ADAMTSL1: variants seen among roughly 807,000 people sequenced by gnomAD.
The protein encoded by ADAMTSL1 is ADAMTS like 1.
ADAMTSL1 carries 126 observed loss-of-function variants against 201.8 expected under a neutral mutation model. The observed-to-expected ratio is 0.62, with a 90% CI of 0.54 to 0.72. ADAMTSL1 has a LOEUF of 0.72. ADAMTSL1 is among the 30% of genes least tolerant of loss of function. ADAMTSL1 has a pLI of 0.00. For synonymous variants in ADAMTSL1, 1,121 were observed against 903.4 expected (o/e 1.24, Z -4.32); for missense variants, 2,679 against 2,277.8 (o/e 1.18, Z -3.59).
At chr9:18,229,912 G>C (rs1444255801) in intron 2 of ADAMTSL1, among the ~76,000 whole-genome samples, 1 of 152,032 alleles carries the variant, frequency 6.6e-6, no homozygotes, top group African/African-American at 2.4e-5. Context: ...GGCCAGACTT[G>C]TCTCAAACTC....
rs189367848 is a variant in ADAMTSL1, at chr9:18,542,096, G to A, written c.237+8804G>A. Among the ~76,000 whole-genome samples the A allele has an allele frequency of 6.5e-3, 989 of 152,180 alleles. 14 individuals are homozygous for A. The highest frequency in any genetic ancestry group is 0.012 in the Admixed American group (176 of 15,284). On this transcript the variant is annotated intron_variant, in intron 3 of 28. Transcript: ENST00000380548. ...AGGGAGGGACTGAATAAGTTAGGGG[G>A]ACTTTCATTTTTTATTCTATATGCT...
intron 4 of ADAMTSL1, among the ~76,000 whole-genome samples, chr9:18,599,996 C>CAAAAAAAAAAAAAAAAAAA (rs57914274): frequency 1.2e-5 from 1 of 86,952 alleles, no homozygotes; most frequent in Non-Finnish European, 2.1e-5. Context: ...ACTAAAAATA[C>CAAAAAAAAAAAAAAAAAAA]AAAAAAAAAA....
chr9:18,320,955 C>T lies in ADAMTSL1; in HGVS notation c.207+156974C>T, dbSNP rs146220125. Among the ~76,000 whole-genome samples, 801 of 151,834 alleles carry T rather than the reference C, an allele frequency of 5.3e-3. 8 individuals carry two copies. Among genetic ancestry groups the T allele is most frequent in the African/African-American group, 0.019 (773 of 41,438 alleles). On this transcript the variant is annotated intron_variant, in intron 2 of 29. Coordinates refer to the ADAMTSL1 transcript ENST00000680146. ...AAGATGAGAAATAGAAAACAAATAACAAAATAATAGATATAAATATAACTG... is the reference window on the plus strand; with the variant it reads ...AAGATGAGAAATAGAAAACAAATAATAAAATAATAGATATAAATATAACTG...
chr9:18,345,350 A>C (rs1312384110), intron 2 of ADAMTSL1, among the ~76,000 whole-genome samples: 2 of 152,206 alleles, frequency 1.3e-5, no homozygotes, highest in African/African-American at 4.8e-5. Flanking sequence ...CTGTTCTTAG[A>C]GTTGTTTCTA....
intron 11 of ADAMTSL1, 114 bp from the exon 12 acceptor site, chr9:18,681,698 G>T (rs529302191): frequency 5.0e-5 from 16 of 323,008 alleles, no homozygotes; most frequent in Admixed American, 1.3e-4. Flanking sequence ...GTCCTCGTGT[G>T]GGGGGGGGGG....
chr9:18,116,768 A>G (rs1021146703), intron 1 of ADAMTSL1, among the ~76,000 whole-genome samples: 7 of 152,202 alleles, frequency 4.6e-5, no homozygotes, highest in East Asian at 3.9e-4. Context: ...CACAACGTGC[A>G]GGTTTGTTAC....
chr9:18,261,813 G>C (rs1831936047), intron 2 of ADAMTSL1, among the ~76,000 whole-genome samples: 1 of 152,122 alleles, frequency 6.6e-6, no homozygotes, highest in African/African-American at 2.4e-5. Context: ...TTTTCTGGAA[G>C]CACCCTAAAT....
intron 1 of ADAMTSL1, among the ~76,000 whole-genome samples, chr9:17,986,038 T>A (rs1364341034): frequency 6.6e-6 from 1 of 152,086 alleles, no homozygotes; most frequent in Non-Finnish European, 1.5e-5. Flanking sequence ...ATATGTGAAG[T>A]AAAGTTCCAA....
At chr9:18,144,717 T>G (rs1381285378) in intron 1 of ADAMTSL1, among the ~76,000 whole-genome samples, 1 of 152,116 alleles carries the variant, frequency 6.6e-6, no homozygotes, top group East Asian at 1.9e-4. Context: ...AAACTTTATG[T>G]TAAATGAGAT....
intron 2 of ADAMTSL1, among the ~76,000 whole-genome samples, chr9:18,428,450 A>T (rs1819330860): frequency 6.7e-6 from 1 of 149,004 alleles, no homozygotes; most frequent in Non-Finnish European, 1.5e-5. Flanking sequence ...AAAAAAAAAA[A>T]GAAAAGAAAA....
intron 2 of ADAMTSL1, among the ~76,000 whole-genome samples, chr9:18,409,984 T>C (rs1207017414): frequency 6.6e-6 from 1 of 151,696 alleles, no homozygotes; most frequent in African/African-American, 2.4e-5. Context: ...ATTACAAGTA[T>C]CTTTGCTTTC....
intron 2 of ADAMTSL1, among the ~76,000 whole-genome samples, chr9:18,382,364 T>C (rs987471568): frequency 1.3e-5 from 2 of 152,214 alleles, no homozygotes; most frequent in African/African-American, 4.8e-5. Flanking sequence ...ACATGTGACC[T>C]TCTCATTTAG....
intron 2 of ADAMTSL1, among the ~76,000 whole-genome samples, chr9:18,514,327 C>CTTCTTTTT (rs1267242829): frequency 2.0e-5 from 2 of 100,104 alleles, no homozygotes; most frequent in South Asian, 3.4e-4. Context: ...ATTTTTCTTT[C>CTTCTTTTT]TTTTTTTTTT....
At chr9:18,020,038 T>C (rs563614883) in intron 1 of ADAMTSL1, among the ~76,000 whole-genome samples, 46 of 152,186 alleles carry the variant, frequency 3.0e-4, no homozygotes, top group Admixed American at 4.6e-4. Context: ...TTCAACACTA[T>C]TATTTTTGGT....
rs191556384 is a variant in ADAMTSL1, at chr9:18,409,399, A to G, written c.208-95430A>G. Among the ~76,000 whole-genome samples the G allele has an allele frequency of 5.5e-3, 823 of 150,452 alleles. 10 individuals carry two copies. The highest frequency in any genetic ancestry group is 0.019 in the African/African-American group (759 of 40,884). ...ACTCCGTCTCAAAAAAAAAAAAAAA[A>G]AAAAAGAAAAAGAAAAGAAAAAGAA... On this transcript the variant is annotated intron_variant, in intron 2 of 29. Transcript: ENST00000680146.
chr9:18,645,353 A>C (rs9406754), intron 7 of ADAMTSL1, among the ~76,000 whole-genome samples: 13 of 151,986 alleles, frequency 8.6e-5, no homozygotes, highest in African/African-American at 1.9e-4. Flanking sequence ...GTTCACTCTG[A>C]TGGTAGTTTC....
intron 20 of ADAMTSL1, among the ~76,000 whole-genome samples, chr9:18,813,203 G>T (rs1823620991): frequency 6.6e-6 from 1 of 152,014 alleles, no homozygotes; most frequent in African/African-American, 2.4e-5. Flanking sequence ...TTGACCACAT[G>T]ATCCGCCGCC....
chr9:18,445,461 A>C (rs932615815), intron 2 of ADAMTSL1, among the ~76,000 whole-genome samples: 1 of 152,200 alleles, frequency 6.6e-6, no homozygotes, highest in Non-Finnish European at 1.5e-5. Context: ...CAGTATATTT[A>C]AGAGTTCTTC....
chr9:18,897,498 A>T (rs1023554610), intron 26 of ADAMTSL1, among the ~76,000 whole-genome samples: 1 of 152,206 alleles, frequency 6.6e-6, no homozygotes, highest in African/African-American at 2.4e-5. Context: ...CCTGGGACAG[A>T]GCTCCTAGAG....
Sources: allele counts gnomAD v4.1 joint callset (sites outside exome capture counted in the v4.1 genomes callset), GRCh38; gene constraint gnomAD v4.1.1; transcripts MANE v1.5; gene names NCBI Gene and HGNC (gene_info 2026-07-23, HGNC 2026-07-21).